Variants in AGAP4 observed in about 807,000 individuals in gnomAD.
AGAP4 encodes arf-GAP with GTPase, ANK repeat and PH domain-containing protein 4.
A neutral mutation model predicts 60.7 loss-of-function variants in AGAP4; 13 were observed. The ratio of observed to expected loss-of-function variants is 0.21; its 90% CI spans 0.14 to 0.34. The LOEUF (loss-of-function observed/expected upper bound fraction) is 0.34, where lower values mean the gene tolerates loss of function less well. Among genes scored for constraint, AGAP4 ranks in the 10% least tolerant of loss-of-function variants. The pLI is 1.00. For missense variants in AGAP4, 169 were observed against 884.0 expected (o/e 0.19, Z 10.26); for synonymous variants, 70 against 339.0 (o/e 0.21, Z 8.72).
Position 45,847,273 on chromosome 10 carries a change from A to C in AGAP4, c.75T>G (p.Cys25Trp). Residue 25 changes from cysteine to tryptophan, a missense_variant, in exon 1 of 8, where the codon TGT (cysteine) becomes TGG (tryptophan). Cys to Trp is a radical substitution (Grantham distance 215). Coordinates refer to ENST00000616763, the MANE Select transcript of AGAP4 (RefSeq NM_001276343.3). ...CCTCATAGATCTCAGATTCAGAGGG[A>C]CACACCGACCCCTGCTGCTGGTCAA... ...LEFDQQQGSV[C>W]PSESEIYEAG... 6.3e-7 allele frequency: 1 copy of C among 1,597,896 alleles called. No individual in the cohort carries two copies. The highest frequency in any genetic ancestry group is 1.7e-5 in the Admixed American group (1 of 59,982).
chr10:45,849,716 C>T (rs2059059386), upstream of AGAP4, among the ~76,000 whole-genome samples: 1 of 151,326 alleles, frequency 6.6e-6, no homozygotes, highest in Non-Finnish European at 1.5e-5. Flanking sequence ...TCTTGGCTCA[C>T]TGCAACCTCC....
chr10:45,851,233 G>A (rs2059080148), upstream of AGAP4, among the ~76,000 whole-genome samples: 1 of 152,040 alleles, frequency 6.6e-6, no homozygotes, highest in Admixed American at 6.6e-5. Flanking sequence ...AGAATAGGGT[G>A]ATTTGCACGG....
chr10:45,849,470 GATGATTATT>G (rs1473461945), upstream of AGAP4, among the ~76,000 whole-genome samples: 4 of 146,604 alleles, frequency 2.7e-5, no homozygotes, highest in African/African-American at 7.6e-5. Context: ...TGATGATGAT[GATGATTATT>G]ATTATTATTA....
At chr10:45,845,030 C>A (rs1176623501) in intron 2 of AGAP4, among the ~76,000 whole-genome samples, 2 of 102,470 alleles carry the variant, frequency 2.0e-5, no homozygotes, top group African/African-American at 7.2e-5. Context: ...TAAAGAATGA[C>A]AATAAAGAGC....
intron 7 of AGAP4, 46 bp from the exon 8 acceptor site, chr10:45,827,436 C>A: frequency 1.3e-6 from 1 of 794,032 alleles, no homozygotes; most frequent in South Asian, 1.8e-5. Flanking sequence ...TGGGTAGTGG[C>A]TTGCAGGGTC....
upstream of AGAP4, among the ~76,000 whole-genome samples, chr10:45,849,701 C>T (rs1383835652): frequency 1.7e-4 from 25 of 150,068 alleles, no homozygotes; most frequent in African/African-American, 5.9e-4. Flanking sequence ...AGTGCAATGG[C>T]ATGATCTTGG....
At chr10:45,852,789 A>G (rs2135980506) in intron 1 of AGAP4, among the ~76,000 whole-genome samples, 1 of 152,262 alleles carries the variant, frequency 6.6e-6, no homozygotes, top group Non-Finnish European at 1.5e-5. Context: ...TAGAGGCTAC[A>G]ATCTGCATTA....
At chr10:45,838,885 T>C (rs1275101643) in intron 4 of AGAP4, among the ~76,000 whole-genome samples, 2 of 147,954 alleles carry the variant, frequency 1.4e-5, no homozygotes, top group African/African-American at 4.9e-5. Flanking sequence ...GGGAAGTATA[T>C]GGCAGTGGAT....
upstream of AGAP4, among the ~76,000 whole-genome samples, chr10:45,849,711 G>A (rs2059059315): frequency 6.6e-6 from 1 of 150,916 alleles, no homozygotes; most frequent in South Asian, 2.1e-4. Flanking sequence ...CATGATCTTG[G>A]CTCACTGCAA....
intron 6 of AGAP4, among the ~76,000 whole-genome samples, chr10:45,830,636 C>T (rs1204627520): frequency 6.4e-5 from 8 of 125,546 alleles, no homozygotes; most frequent in African/African-American, 2.4e-4. Flanking sequence ...CAGGTGCGTG[C>T]CATCATGCCC....
chr10:45,853,352 T>A (rs1263868851), intron 1 of AGAP4, among the ~76,000 whole-genome samples: 6 of 151,520 alleles, frequency 4.0e-5, no homozygotes, highest in Admixed American at 2.0e-4. Context: ...GAATAACATC[T>A]TCTACAGTCT....
At chr10:45,841,448 T>C in intron 4 of AGAP4, 1 of 452,682 alleles carries the variant, frequency 2.2e-6, no homozygotes, top group Non-Finnish European at 4.0e-6. Context: ...AACTTAAATG[T>C]CAGAAATCTT....
intron 5 of AGAP4, among the ~76,000 whole-genome samples, chr10:45,831,779 G>C (rs1270965686): frequency 9.4e-5 from 11 of 116,750 alleles, no homozygotes; most frequent in Non-Finnish European, 3.6e-5. Context: ...TGTCTCTCTT[G>C]CTCAGACTGG....
intron 2 of AGAP4, 172 bp from the exon 3 acceptor site, chr10:45,844,566 T>C (rs1265847929): frequency 4.4e-6 from 5 of 1,123,792 alleles, no homozygotes; most frequent in South Asian, 1.7e-5. Context: ...CACATGCTTG[T>C]AGTCCCAGCT....
upstream of AGAP4, chr10:45,853,896 T>C: frequency 2.5e-6 from 3 of 1,199,798 alleles, no homozygotes; most frequent in South Asian, 4.6e-5. Flanking sequence ...AGGTCTCTCA[T>C]GATCCCAGGC....
Position 45,825,829 on chromosome 10 carries a change from G to A in AGAP4, c.*86C>T. ...GAAAATGCTATTATTAGCTGAATTT[G>A]TGATTTCCTTTTGAAATTCTGAGTT... is the stretch of plus-strand genomic sequence containing the variant. On this transcript the variant is annotated 3_prime_UTR_variant, in exon 8 of 8. Transcript: ENST00000616763. 8.6e-7 allele frequency: 1 copy of A among 1,166,672 alleles called. No homozygotes were observed. The highest frequency in any genetic ancestry group is 1.2e-6 in the Non-Finnish European group (1 of 857,984). The allele number at this position is 1,166,672 out of a possible 1,614,324, so 72.3% of individuals were successfully genotyped here. A position where few individuals can be genotyped will look rare whatever the true frequency, so the allele number is the denominator to read the frequency against.
intron 4 of AGAP4, among the ~76,000 whole-genome samples, chr10:45,841,339 T>A (rs1182726868): frequency 8.7e-5 from 13 of 149,162 alleles, no homozygotes; most frequent in African/African-American, 3.2e-4. Flanking sequence ...TGACCTCAGA[T>A]GATCAGCCTG....
chr10:45,849,855 G>C (rs1479851223), upstream of AGAP4, among the ~76,000 whole-genome samples: 20 of 151,244 alleles, frequency 1.3e-4, no homozygotes, highest in African/African-American at 4.9e-4. Context: ...GGTCAGGCCC[G>C]CCTCAGCCTC....
chr10:45,834,078 A>T lies in AGAP4; in HGVS notation c.435T>A (p.Cys145Ter). 1 of 1,591,518 alleles carries T rather than the reference A, an allele frequency of 6.3e-7. No homozygotes were observed. Among genetic ancestry groups the T allele is most frequent in the Non-Finnish European group, 8.6e-7 (1 of 1,169,438 alleles). Reference protein sequence around the residue: ...TVRFSQQYSLCSTIFLDDSTA... With the variant: ...TVRFSQQYSL ...TGCTGTCATCAAGGAATATTGTCGAACACAAGCTGTATTGTTGACTGAAAC... is the reference window on the plus strand; with the variant it reads ...TGCTGTCATCAAGGAATATTGTCGATCACAAGCTGTATTGTTGACTGAAAC... Residue 145 changes from cysteine to a stop codon, truncating the protein, a stop_gained, in exon 5 of 8, where the codon TGT becomes TGA. Coordinates refer to ENST00000616763, the MANE Select transcript of AGAP4 (RefSeq NM_001276343.3). LOFTEE classifies it high-confidence loss of function.
Sources: gnomAD v4.1 joint callset for allele counts (sites outside exome capture counted in the v4.1 genomes callset) on GRCh38, gnomAD v4.1.1 for gene constraint, MANE v1.5 for transcripts, NCBI Gene and HGNC (gene_info 2026-07-23, HGNC 2026-07-21) for gene names.